The following JAKMIP2 variants were observed in gnomAD, a reference collection of about 807,000 sequenced individuals.
JAKMIP2 encodes the protein janus kinase and microtubule-interacting protein 2.
JAKMIP2 carries 25 observed loss-of-function variants against 115.0 expected under a neutral mutation model. The ratio of observed to expected loss-of-function variants is 0.22; its 90% CI spans 0.16 to 0.30. The LOEUF is 0.30. JAKMIP2 is among the 10% of genes least tolerant of loss of function. JAKMIP2 has a pLI of 1.00. For synonymous variants in JAKMIP2, 334 were observed against 343.6 expected (o/e 0.97, Z 0.31); for missense variants, 642 against 957.6 (o/e 0.67, Z 4.35).
intron 14 of JAKMIP2, among the ~76,000 whole-genome samples, chr5:147,630,477 A>G (rs766171565): frequency 9.9e-5 from 15 of 152,210 alleles, no homozygotes; most frequent in Non-Finnish European, 2.2e-4. Flanking sequence ...GGAAGGCCAG[A>G]AGTTTAAACA....
chr5:147,687,395 C>CAACTG (rs1236500279), intron 1 of JAKMIP2, among the ~76,000 whole-genome samples: 1 of 152,122 alleles, frequency 6.6e-6, no homozygotes, highest in Admixed American at 6.5e-5. Flanking sequence ...AACAGAGAAG[C>CAACTG]AAACGAGGCA....
chr5:147,650,399 C>G lies in JAKMIP2; in HGVS notation c.776G>C (p.Ser259Thr). ...TCCTGGAATTTCTCGTTTTGGGCTGCTCATGTTGCACTCAGCCTCCTTGAC... is the reference window on the plus strand; with the variant it reads ...TCCTGGAATTTCTCGTTTTGGGCTGGTCATGTTGCACTCAGCCTCCTTGAC... Reference protein sequence around the residue: ...FLVKEAECNMSSPKREIPGRA... With the variant: ...FLVKEAECNMTSPKREIPGRA... Residue 259 changes from serine to threonine, a missense_variant, in exon 4 of 22, where the codon AGC becomes ACC. By Grantham distance (58) the Ser-to-Thr change is moderately conservative. This residue lies in a region of JAKMIP2 where 439 missense variants were observed against 570.9 expected (regional missense o/e 0.77). Coordinates refer to ENST00000616793, the MANE Select transcript of JAKMIP2 (RefSeq NM_001270941.2). The G allele has an allele frequency of 6.2e-7, 1 of 1,613,882 alleles. No homozygotes were observed. The highest frequency in any genetic ancestry group is 1.1e-5 in the South Asian group (1 of 91,068).
At chr5:147,618,144 T>C (rs911477296) in intron 18 of JAKMIP2, 30 bp from the exon 19 acceptor site, 5 of 1,560,270 alleles carry the variant, frequency 3.2e-6, no homozygotes, top group Non-Finnish European at 4.4e-6. Context: ...AAGTCTAACT[T>C]TGGAACTTGG....
chr5:147,752,412 T>C (rs1457845017), intron 1 of JAKMIP2, among the ~76,000 whole-genome samples: 1 of 152,172 alleles, frequency 6.6e-6, no homozygotes, highest in African/African-American at 2.4e-5. Flanking sequence ...ACCCTGACTA[T>C]AATACAATGA....
intron 1 of JAKMIP2, among the ~76,000 whole-genome samples, chr5:147,695,038 T>G (rs879477153): frequency 6.6e-6 from 1 of 152,160 alleles, no homozygotes; most frequent in Admixed American, 6.5e-5. Context: ...AGATGCAGGA[T>G]CAGAAGGATT....
chr5:147,597,204 G>T (rs944060874), intron 21 of JAKMIP2, among the ~76,000 whole-genome samples: 5 of 152,030 alleles, frequency 3.3e-5, no homozygotes, highest in African/African-American at 9.7e-5. Flanking sequence ...TACTCTAAAT[G>T]ACGAATATAA....
chr5:147,612,630 G>A, intron 19 of JAKMIP2, among the ~76,000 whole-genome samples: 1 of 152,288 alleles, frequency 6.6e-6, no homozygotes, highest in Middle Eastern at 3.4e-3. Context: ...GCCTATCCCT[G>A]TAGACCCCTT....
chr5:147,780,777 T>C (rs1755727137), intron 1 of JAKMIP2, among the ~76,000 whole-genome samples: 1 of 152,118 alleles, frequency 6.6e-6, no homozygotes, highest in Non-Finnish European at 1.5e-5. Flanking sequence ...ATTATAAATG[T>C]GGGGGGTGTA....
intron 3 of JAKMIP2, among the ~76,000 whole-genome samples, chr5:147,655,621 T>A (rs1020544325): frequency 1.3e-5 from 2 of 151,994 alleles, no homozygotes; most frequent in African/African-American, 2.4e-5. Context: ...GTGGTCTGTT[T>A]TGTTAATTTT....
chr5:147,734,143 C>T (rs1278490911), intron 1 of JAKMIP2, among the ~76,000 whole-genome samples: 1 of 151,856 alleles, frequency 6.6e-6, no homozygotes, highest in South Asian at 2.1e-4. Flanking sequence ...GGCCAATAAA[C>T]ATATGAAAAA....
intron 19 of JAKMIP2, among the ~76,000 whole-genome samples, chr5:147,614,288 A>G (rs7704474): frequency 0.76 from 116,277 of 152,056 alleles, 45,716 homozygotes; most frequent in Non-Finnish European, 0.87. Flanking sequence ...AATGGAAAAA[A>G]ACTGAATAAC....
rs550060223 is a variant in JAKMIP2, at chr5:147,591,063, A to G, written c.*644T>C. On this transcript the variant is annotated 3_prime_UTR_variant, in exon 22 of 22. Coordinates refer to ENST00000616793, the MANE Select transcript of JAKMIP2 (RefSeq NM_001270941.2). ...CAAAACAGAGAGTGTTTTTCTTCCCATTTACGATGCGGATGTCTCTGTTCC... is the reference window on the plus strand; with the variant it reads ...CAAAACAGAGAGTGTTTTTCTTCCCGTTTACGATGCGGATGTCTCTGTTCC... The G allele has an allele frequency of 1.1e-4, 17 of 152,742 alleles. No homozygotes were observed. The highest frequency in any genetic ancestry group is 3.8e-4 in the African/African-American group (16 of 41,566). 9.5% of individuals were successfully genotyped at this position (152,742 alleles called of 1,614,324 possible).
intron 1 of JAKMIP2, among the ~76,000 whole-genome samples, chr5:147,738,162 T>A (rs188562695): frequency 8.3e-4 from 127 of 152,318 alleles, no homozygotes; most frequent in African/African-American, 2.8e-3. Context: ...AGGTCATTTT[T>A]TTTTCCCACT....
Position 147,732,385 on chromosome 5 carries a change from GGATA to G in JAKMIP2, c.-149+50067_-149+50070del, listed in dbSNP as rs527851999. 4.6e-5 allele frequency among the ~76,000 whole-genome samples: 7 copies of G among 152,246 alleles called. No individual in the cohort carries two copies. The South Asian group carries it at 1.5e-3, about 32-fold the overall frequency. Reference sequence around the variant, plus strand: ...TTTTGTGCCCTTCCCCCATCTTGCTGGATAGATTCTTAATGTTCTTCTCTTTCAC... The same window carrying G: ...TTTTGTGCCCTTCCCCCATCTTGCTGGATTCTTAATGTTCTTCTCTTTCAC... On this transcript the variant is annotated intron_variant, in intron 1 of 21. Coordinates refer to ENST00000616793, the MANE Select transcript of JAKMIP2 (RefSeq NM_001270941.2).
At chr5:147,667,974 C>T (rs973414141) in intron 2 of JAKMIP2, among the ~76,000 whole-genome samples, 1 of 152,298 alleles carries the variant, frequency 6.6e-6, no homozygotes, top group South Asian at 2.1e-4. Flanking sequence ...GGCTCCTCCA[C>T]CAGCTGTGTC....
rs1438926049 is a variant in JAKMIP2, at chr5:147,620,578, A to G, written c.2142+88T>C. Reference sequence around the variant, plus strand: ...ACTGCATGTCGTGATCTATTCAAGTACATAGCATGGAAAATTAAAAAGGAT... The same window carrying G: ...ACTGCATGTCGTGATCTATTCAAGTGCATAGCATGGAAAATTAAAAAGGAT... On this transcript the variant is annotated intron_variant, in intron 18 of 21. Coordinates refer to ENST00000616793, the MANE Select transcript of JAKMIP2 (RefSeq NM_001270941.2). 3 of 871,658 alleles carry G rather than the reference A, an allele frequency of 3.4e-6. No individual in the cohort carries two copies. In the East Asian group the frequency reaches 7.4e-5, roughly 22 times the overall value. 54.0% of individuals were successfully genotyped at this position (871,658 alleles called of 1,614,324 possible). A position where few individuals can be genotyped will look rare whatever the true frequency, so the allele number is the denominator to read the frequency against.
chr5:147,673,932 T>A (rs1053631436), intron 1 of JAKMIP2, among the ~76,000 whole-genome samples: 12 of 152,296 alleles, frequency 7.9e-5, no homozygotes, highest in Non-Finnish European at 1.3e-4. Context: ...TACGTAGTTA[T>A]GACCCACAGT....
intron 7 of JAKMIP2, among the ~76,000 whole-genome samples, chr5:147,642,262 G>A (rs4635925): frequency 0.21 from 32,523 of 152,050 alleles, 4,216 homozygotes; most frequent in East Asian, 0.46. Flanking sequence ...AGGGAACAGA[G>A]TAGCTAGCGG....
intron 19 of JAKMIP2, among the ~76,000 whole-genome samples, chr5:147,614,517 A>T (rs899929449): frequency 2.0e-5 from 3 of 152,190 alleles, no homozygotes; most frequent in Non-Finnish European, 4.4e-5. Flanking sequence ...TACCAAGTTC[A>T]CCAAGTCATT....
Sources: allele counts gnomAD v4.1 joint callset (sites outside exome capture counted in the v4.1 genomes callset), GRCh38; gene constraint gnomAD v4.1.1; regional missense constraint gnomAD v4.1.1; transcripts MANE v1.5; gene names NCBI Gene and HGNC (gene_info 2026-07-23, HGNC 2026-07-21).